Variants in ABL1 observed in about 807,000 individuals in gnomAD.
The protein encoded by ABL1 is ABL proto-oncogene 1, non-receptor tyrosine kinase.
A neutral mutation model predicts 94.7 loss-of-function variants in ABL1; 11 were observed. That is an observed-to-expected ratio of 0.12 (90% confidence interval 0.07 to 0.19). The LOEUF (loss-of-function observed/expected upper bound fraction) is 0.19, where lower values mean the gene tolerates loss of function less well. Among genes scored for constraint, ABL1 ranks in the 10% least tolerant of loss-of-function variants. The pLI is 1.00. For missense variants in ABL1, 1,082 were observed against 1,489.4 expected, an observed-to-expected ratio of 0.73 and a Z score of 4.50; for synonymous variants, 656 against 622.4, an observed-to-expected ratio of 1.05 and a Z score of -0.80.
intron 1 of ABL1, among the ~76,000 whole-genome samples, chr9:130,762,962 A>G (rs1832135747): frequency 6.6e-6 from 1 of 152,108 alleles, no homozygotes; most frequent in South Asian, 2.1e-4. Flanking sequence ...AGGAATGCAA[A>G]TGAGATCATG....
upstream of ABL1, among the ~76,000 whole-genome samples, chr9:130,832,427 TCTTA>T (rs1254215317): frequency 3.9e-5 from 6 of 152,192 alleles, no homozygotes; most frequent in Admixed American, 3.9e-4. Context: ...CATCTTCTGA[TCTTA>T]CTCATATTAT....
chr9:130,718,621 C>T (rs1831476918), intron 1 of ABL1, among the ~76,000 whole-genome samples: 1 of 152,130 alleles, frequency 6.6e-6, no homozygotes, highest in Non-Finnish European at 1.5e-5. Context: ...TGGCTTATGC[C>T]TGTAATTTCA....
chr9:130,864,732 C>T (rs1340963081), intron 4 of ABL1, among the ~76,000 whole-genome samples: 1 of 152,064 alleles, frequency 6.6e-6, no homozygotes, highest in African/African-American at 2.4e-5. Flanking sequence ...AGGGGGTGAA[C>T]GAAGGAGGGA....
chr9:130,828,560 G>A (rs907340735), intron 1 of ABL1, among the ~76,000 whole-genome samples: 3 of 152,074 alleles, frequency 2.0e-5, no homozygotes, highest in Admixed American at 2.0e-4. Flanking sequence ...ACTGTTGAGA[G>A]AACAATAAGA....
chr9:130,792,829 A>G (rs1829926415), intron 1 of ABL1, among the ~76,000 whole-genome samples: 1 of 152,126 alleles, frequency 6.6e-6, no homozygotes, highest in African/African-American at 2.4e-5. Context: ...CCCCAGAACT[A>G]CCCCATGCAG....
intron 1 of ABL1, among the ~76,000 whole-genome samples, chr9:130,802,931 C>T (rs1192275355): frequency 6.6e-6 from 1 of 152,180 alleles, no homozygotes; most frequent in Non-Finnish European, 1.5e-5. Flanking sequence ...TGCTTTGTGT[C>T]TGTCCCATGC....
rs776853859 is a variant in ABL1 at position 130,884,891 on chromosome 9, G to C, written c.2601G>C (p.Lys867Asn). Reference sequence around the variant, plus strand: ...CAGGTGCACCAGGGGGCACCAGCAAGGGCCCCGCCGAGGAGTCCAGAGTGA... The same window carrying C: ...CAGGTGCACCAGGGGGCACCAGCAACGGCCCCGCCGAGGAGTCCAGAGTGA... ...AGSGAPGGTSKGPAEESRVRR... is the reference protein window; with the variant it reads ...AGSGAPGGTSNGPAEESRVRR... Residue 867 changes from lysine to asparagine, a missense_variant, in exon 11 of 11, where the codon AAG becomes AAC. By Grantham distance (94) the Lys-to-Asn change is moderately conservative. This residue lies in a region of ABL1 where 780 missense variants were observed against 835.8 expected (regional missense o/e 0.93). Transcript: ENST00000318560. The surrounding 1 kb of genome is among the most constrained non-coding windows in gnomAD (Gnocchi z 5.6). 6.2e-7 allele frequency: 1 copy of C among 1,608,868 alleles called. No individual in the cohort carries two copies. The highest frequency in any genetic ancestry group is 1.1e-5 in the South Asian group (1 of 90,558).
At chr9:130,826,502 A>C (rs1212329025) in intron 1 of ABL1, among the ~76,000 whole-genome samples, 1 of 152,210 alleles carries the variant, frequency 6.6e-6, no homozygotes, top group Non-Finnish European at 1.5e-5. Flanking sequence ...TAAGAAAGGC[A>C]AAGAGAGTGG....
upstream of ABL1, among the ~76,000 whole-genome samples, chr9:130,830,303 G>A (rs1231431322): frequency 6.6e-6 from 1 of 152,172 alleles, no homozygotes; most frequent in Non-Finnish European, 1.5e-5. Context: ...TTATAGCCTG[G>A]AAATACCAAC....
At chr9:130,777,530 G>T (rs1482380771) in intron 1 of ABL1, among the ~76,000 whole-genome samples, 1 of 146,524 alleles carries the variant, frequency 6.8e-6, no homozygotes, top group African/African-American at 2.6e-5. Flanking sequence ...TCAGGGCTTT[G>T]TGTTGGGACG....
rs3085157 is a variant in ABL1 at position 130,802,095 on chromosome 9, C to CTTTT, written c.137-51957_137-51954dup. Among the ~76,000 whole-genome samples the CTTTT allele has an allele frequency of 7.0e-3, 925 of 132,062 alleles. 37 individuals carry two copies. Among genetic ancestry groups the CTTTT allele is most frequent in the African/African-American group, 0.024 (799 of 33,796 alleles). 86.6% of individuals were successfully genotyped at this position (132,062 alleles called of 152,430 possible). ...AGTCTGTTCATTTTTTTCCTTCAGT[C>CTTTT]TTTTTTTTTTTTTTTGAAATGGTCT... is the stretch of plus-strand genomic sequence containing the variant. On this transcript the variant is annotated intron_variant, in intron 1 of 10. Coordinates refer to the ABL1 transcript ENST00000372348.
At chr9:130,811,330 T>G (rs7042528) in intron 1 of ABL1, among the ~76,000 whole-genome samples, 38,033 of 152,040 alleles carry the variant, frequency 0.25, 6,177 homozygotes, top group African/African-American at 0.47. Context: ...GCTATAAAAA[T>G]AAATGAAGAC....
chr9:130,738,978 G>A (rs1038069835), intron 1 of ABL1, among the ~76,000 whole-genome samples: 2 of 152,120 alleles, frequency 1.3e-5, no homozygotes, highest in Non-Finnish European at 2.9e-5. Flanking sequence ...CACCTCCCTC[G>A]TTCAAACAAT....
rs753293012 is a variant in ABL1 at position 130,885,361 on chromosome 9, G to T, written c.3071G>T (p.Ser1024Ile). The T allele has an allele frequency of 6.2e-7, 1 of 1,613,542 alleles. No individual in the cohort carries two copies. The highest frequency in any genetic ancestry group is 8.5e-7 in the Non-Finnish European group (1 of 1,180,038). Residue 1024 changes from serine (S) to isoleucine (I), a missense_variant, in exon 11 of 11, where the codon AGC becomes ATC. Ser to Ile is a moderately radical substitution (Grantham distance 142). This residue lies in a region of ABL1 where 780 missense variants were observed against 835.8 expected (regional missense o/e 0.93). Coordinates refer to ENST00000318560, the MANE Select transcript of ABL1 (RefSeq NM_005157.6). ...KTRQPPERIASGAITKGVVLD... is the reference protein window; with the variant it reads ...KTRQPPERIAIGAITKGVVLD... The stretch of plus-strand genomic sequence containing the variant: ...CGCCAGCCTCCAGAGCGGATCGCCA[G>T]CGGCGCCATCACCAAGGGCGTGGTC...
At position 130,730,088 on chromosome 9, in the gene ABL1, C is replaced by G. The variant is rs553781550; in HGVS notation, c.136+15633C>G. Among the ~76,000 whole-genome samples, 328 of 128,806 alleles carry G rather than the reference C, an allele frequency of 2.5e-3. 3 individuals carry two copies. Among genetic ancestry groups the G allele is most frequent in the Non-Finnish European group, 3.9e-3 (238 of 61,072 alleles). 84.5% of individuals were successfully genotyped at this position (128,806 alleles called of 152,430 possible). ...GATGGAATTCTGCTCTTGTTGCCCA[C>G]GCTGGAGTGCAATGGTGCAATCTTA... On this transcript the variant is annotated intron_variant, in intron 1 of 10. Transcript: ENST00000372348.
At chr9:130,778,627 T>A (rs1459131194) in intron 1 of ABL1, among the ~76,000 whole-genome samples, 1 of 151,830 alleles carries the variant, frequency 6.6e-6, no homozygotes, top group African/African-American at 2.4e-5. Context: ...ATTCCTCTGC[T>A]CTCCTTTGCC....
chr9:130,740,001 TA>T (rs1407592225), intron 1 of ABL1, among the ~76,000 whole-genome samples: 2 of 152,234 alleles, frequency 1.3e-5, no homozygotes. Context: ...GTTTTTTGTT[TA>T]AATTGGCTTG....
intron 1 of ABL1, among the ~76,000 whole-genome samples, chr9:130,720,678 A>G (rs1831503287): frequency 6.6e-6 from 1 of 152,196 alleles, no homozygotes; most frequent in Non-Finnish European, 1.5e-5. Context: ...AGTATGAAAT[A>G]GAATCTCTCT....
Position 130,850,912 on chromosome 9 carries a change from T to TTTTG in ABL1, c.80-3128_80-3125dup, listed in dbSNP as rs574899693. On this transcript the variant is annotated intron_variant, in intron 1 of 10. Coordinates refer to ENST00000318560, the MANE Select transcript of ABL1 (RefSeq NM_005157.6). ...GATCACGTTGTTGTTTTTTGTTTGTTTTTGTTTGTTTGTTTGTTTGTTTGT... is the reference window on the plus strand; with the variant it reads ...GATCACGTTGTTGTTTTTTGTTTGTTTTTGTTTGTTTGTTTGTTTGTTTGTTTGT... Among the ~76,000 whole-genome samples the TTTTG allele has an allele frequency of 4.2e-3, 571 of 135,862 alleles. 4 individuals are homozygous for TTTTG. Among genetic ancestry groups the TTTTG allele is most frequent in the African/African-American group, 0.013 (478 of 36,182 alleles). 89.1% of individuals were successfully genotyped at this position (135,862 alleles called of 152,430 possible). A position where few individuals can be genotyped will look rare whatever the true frequency, so the allele number is the denominator to read the frequency against.
Sources: allele counts gnomAD v4.1 joint callset (sites outside exome capture counted in the v4.1 genomes callset), GRCh38; gene constraint gnomAD v4.1.1; regional missense constraint gnomAD v4.1.1; non-coding constraint Gnocchi (gnomAD v3.1); transcripts MANE v1.5; gene names NCBI Gene and HGNC (gene_info 2026-07-23, HGNC 2026-07-21).